Variants in KDM4C observed in about 807,000 individuals in gnomAD.
KDM4C encodes lysine-specific demethylase 4C.
In KDM4C, 81 loss-of-function variants were observed where a neutral mutation model predicts 129.3. The observed-to-expected ratio is 0.63, with a 90% CI of 0.52 to 0.75. The LOEUF (loss-of-function observed/expected upper bound fraction) is 0.75. Ranked by LOEUF, KDM4C falls within the 30% of genes least tolerant of loss-of-function variation. The probability of loss-of-function intolerance (pLI) is 0.00; values close to 1 mark genes in which losing one functional copy is unlikely to be tolerated. For missense variants in KDM4C, 1,457 were observed against 1,304.0 expected (o/e 1.12, Z -1.81); for synonymous variants, 573 against 456.1 (o/e 1.26, Z -3.26).
chr9:6,916,769 G>C lies in KDM4C; in HGVS notation c.921+23537G>C, dbSNP rs757085332. Among the ~76,000 whole-genome samples the C allele has an allele frequency of 2.6e-5, 4 of 152,264 alleles. No homozygotes were observed. The South Asian group carries it at 6.2e-4, about 24-fold the overall frequency. The stretch of plus-strand genomic sequence containing the variant: ...ATTGAATGTTGCATACTTACTAAGA[G>C]GATTATGTCTTCTAAAATGGACCTT... On this transcript the variant is annotated intron_variant, in intron 8 of 21. Coordinates refer to ENST00000381309, the MANE Select transcript of KDM4C (RefSeq NM_015061.6).
intron 17 of KDM4C, among the ~76,000 whole-genome samples, chr9:7,090,523 G>T (rs1835672252): frequency 6.6e-6 from 1 of 152,066 alleles, no homozygotes; most frequent in African/African-American, 2.4e-5. Context: ...AATTCCTCTG[G>T]TGCTACTTTT....
At chr9:6,902,338 G>A (rs1203095603) in intron 8 of KDM4C, among the ~76,000 whole-genome samples, 1 of 152,128 alleles carries the variant, frequency 6.6e-6, no homozygotes, top group Admixed American at 6.5e-5. Context: ...TAGAGTAGAT[G>A]TTAAAGATAG....
At chr9:6,944,845 A>G (rs1476602383) in intron 8 of KDM4C, among the ~76,000 whole-genome samples, 3 of 152,056 alleles carry the variant, frequency 2.0e-5, no homozygotes, top group African/African-American at 7.2e-5. Flanking sequence ...ATGATCTGGT[A>G]TCTTCATTTT....
chr9:6,976,751 A>G (rs1832989818), intron 8 of KDM4C, among the ~76,000 whole-genome samples: 1 of 152,148 alleles, frequency 6.6e-6, no homozygotes. Flanking sequence ...GGTGTTTAAA[A>G]CTAACTTTTG....
chr9:6,899,542 G>GTTGT (rs1554633823), intron 8 of KDM4C, among the ~76,000 whole-genome samples: 1 of 150,054 alleles, frequency 6.7e-6, no homozygotes, highest in African/African-American at 2.5e-5. Context: ...TTTCCATGGG[G>GTTGT]GTGTGTGTGT....
chr9:6,835,463 C>G (rs187987246), intron 4 of KDM4C: 8 of 1,306,806 alleles, frequency 6.1e-6, no homozygotes, highest in Admixed American at 5.0e-5. Context: ...CTCAAGCACT[C>G]TGTGTGGATT....
chr9:6,807,975 G>C (rs1423668704), intron 3 of KDM4C, among the ~76,000 whole-genome samples: 6 of 97,402 alleles, frequency 6.2e-5, no homozygotes, highest in Non-Finnish European at 1.1e-4. Context: ...CAGCCGCCCC[G>C]TCCGGGAGGG....
chr9:7,016,376 C>G (rs1823683596), intron 15 of KDM4C, among the ~76,000 whole-genome samples: 1 of 150,632 alleles, frequency 6.6e-6, no homozygotes, highest in Admixed American at 6.6e-5. Flanking sequence ...ATCTGCTCGC[C>G]TCGGCCTCCC....
At chr9:6,744,497 T>C (rs1381433891) in intron 1 of KDM4C, among the ~76,000 whole-genome samples, 2 of 151,958 alleles carry the variant, frequency 1.3e-5, no homozygotes, top group African/African-American at 2.4e-5. Flanking sequence ...TGCCCTCCAG[T>C]GTGGCGACAA....
chr9:7,008,731 C>G (rs757821397), intron 12 of KDM4C, among the ~76,000 whole-genome samples: 13 of 152,200 alleles, frequency 8.5e-5, no homozygotes, highest in Non-Finnish European at 1.9e-4. Context: ...TCAGTTCTTA[C>G]ATGGTGGACT....
At chr9:7,072,080 A>G (rs138326348) in intron 17 of KDM4C, among the ~76,000 whole-genome samples, 1 of 152,338 alleles carries the variant, frequency 6.6e-6, no homozygotes, top group Non-Finnish European at 1.5e-5. Context: ...TCTGTTAGGT[A>G]AAGCAAGTAG....
upstream of KDM4C, among the ~76,000 whole-genome samples, chr9:6,754,535 G>T (rs970928151): frequency 1.3e-5 from 2 of 152,124 alleles, no homozygotes; most frequent in African/African-American, 4.8e-5. Context: ...TTTGTAAAAA[G>T]TGTAGTGTAC....
At chr9:6,726,993 C>T (rs1337159425) in intron 1 of KDM4C, 3 of 152,196 alleles carry the variant, frequency 2.0e-5, no homozygotes, top group Non-Finnish European at 2.9e-5. Flanking sequence ...CCTCAACCTC[C>T]CAAAGTGCTG....
Position 6,790,857 on chromosome 9 carries a change from T to C in KDM4C, c.-17-2115T>C, listed in dbSNP as rs146818466. ...TGATAGGTGCTCAATAAATGTTTGC[T>C]GAAGGAATCATCCTGTTTATTGACA... On this transcript the variant is annotated intron_variant, in intron 1 of 21. Transcript: ENST00000381309. Among the ~76,000 whole-genome samples the C allele has an allele frequency of 6.5e-3, 987 of 152,228 alleles. 14 individuals carry two copies. The highest frequency in any genetic ancestry group is 0.022 in the African/African-American group (927 of 41,534).
chr9:6,770,150 G>A (rs1821450645), intron 1 of KDM4C, among the ~76,000 whole-genome samples: 1 of 151,554 alleles, frequency 6.6e-6, no homozygotes, highest in African/African-American at 2.4e-5. Context: ...TTGCACTCTA[G>A]CCTGGGCAAC....
chr9:6,901,924 A>G (rs1198420288), intron 8 of KDM4C, among the ~76,000 whole-genome samples: 2 of 152,168 alleles, frequency 1.3e-5, no homozygotes, highest in African/African-American at 2.4e-5. Context: ...CATTATAAGT[A>G]TGGACCCCTG....
At chr9:6,781,820 A>AT (rs771374868) in intron 1 of KDM4C, among the ~76,000 whole-genome samples, 2,916 of 142,410 alleles carry the variant, frequency 0.02, 82 homozygotes, top group Admixed American at 0.097. Context: ...GTTATAAATA[A>AT]TTTTTTTTTT....
chr9:6,860,074 T>C (rs552316069), intron 5 of KDM4C, among the ~76,000 whole-genome samples: 1 of 152,318 alleles, frequency 6.6e-6, no homozygotes, highest in East Asian at 1.9e-4. Context: ...TTAGATTTTA[T>C]GCAGAACTAA....
intron 15 of KDM4C, among the ~76,000 whole-genome samples, chr9:7,033,962 T>C (rs889057279): frequency 3.3e-5 from 5 of 151,686 alleles, no homozygotes; most frequent in African/African-American, 9.7e-5. Flanking sequence ...GGCATTTCTC[T>C]TGAGTGGCAA....
Sources: gnomAD v4.1 joint callset for allele counts (sites outside exome capture counted in the v4.1 genomes callset) on GRCh38, gnomAD v4.1.1 for gene constraint, MANE v1.5 for transcripts, NCBI Gene and HGNC (gene_info 2026-07-23, HGNC 2026-07-21) for gene names.